The following RANBP2 variants were observed in gnomAD, a reference collection of about 807,000 sequenced individuals.
The protein encoded by RANBP2 is E3 SUMO-protein ligase RanBP2.
RANBP2 carries 57 observed loss-of-function variants against 303.6 expected under a neutral mutation model. The observed-to-expected ratio is 0.19, with a 90% CI of 0.15 to 0.23. RANBP2 has a LOEUF of 0.23. RANBP2 is among the 10% of genes least tolerant of loss of function. The probability of loss-of-function intolerance (pLI) is 1.00; values close to 1 mark genes in which losing one functional copy is unlikely to be tolerated. For missense variants in RANBP2, 3,138 were observed against 3,780.8 expected (o/e 0.83, Z 4.46); for synonymous variants, 1,167 against 1,301.5 (o/e 0.90, Z 2.23).
At chr2:108,910,049 G>A in the RANBP2 span, among the ~76,000 whole-genome samples, 6,757 of 152,312 alleles carry the variant, frequency 0.044, 223 homozygotes, top group Non-Finnish European at 0.07. Context: ...GCTGTTAGCC[G>A]TCATCACCAC....
At chr2:109,748,837 C>T in the RANBP2 span, among the ~76,000 whole-genome samples, 1 of 144,624 alleles carries the variant, frequency 6.9e-6, no homozygotes, top group Non-Finnish European at 1.5e-5. Context: ...TGTGCCACTG[C>T]ATTCTGGCCT....
the RANBP2 span, among the ~76,000 whole-genome samples, chr2:108,973,100 C>T: frequency 1.3e-5 from 2 of 152,174 alleles, no homozygotes; most frequent in African/African-American, 2.4e-5. Flanking sequence ...ACCTCTCATG[C>T]GTCAGCCTCC....
the RANBP2 span, among the ~76,000 whole-genome samples, chr2:109,045,659 G>A: frequency 3.3e-5 from 5 of 152,280 alleles, no homozygotes; most frequent in African/African-American, 1.2e-4. Context: ...TAAGGGTGGC[G>A]CTTGGCCTGG....
At chr2:109,013,001 C>T in the RANBP2 span, among the ~76,000 whole-genome samples, 4 of 152,206 alleles carry the variant, frequency 2.6e-5, no homozygotes, top group African/African-American at 9.7e-5. Context: ...TGCCAGGACT[C>T]TTTAAAGGGC....
At chr2:108,822,476 C>G in the RANBP2 span, among the ~76,000 whole-genome samples, 1 of 152,192 alleles carries the variant, frequency 6.6e-6, no homozygotes, top group East Asian at 1.9e-4. Flanking sequence ...ACAGAACACT[C>G]TACCCAACAA....
the RANBP2 span, chr2:109,615,371 G>A: frequency 4.3e-6 from 7 of 1,612,864 alleles, no homozygotes; most frequent in African/African-American, 9.3e-5. Context: ...CCGGCCTGCT[G>A]GTCAAGCGGG....
the RANBP2 span, chr2:109,130,004 G>A: frequency 1.5e-6 from 2 of 1,299,412 alleles, no homozygotes; most frequent in South Asian, 2.4e-5. Flanking sequence ...GGCGGGGGCG[G>A]CGCGGCAGGC....
chr2:109,553,193 CT>C, the RANBP2 span: 8 of 1,614,106 alleles, frequency 5.0e-6, no homozygotes, highest in Non-Finnish European at 8.5e-7. Context: ...GAACTCATGT[CT>C]TTTGGCTTCA....
chr2:109,711,053 T>C, the RANBP2 span, among the ~76,000 whole-genome samples: 1 of 151,922 alleles, frequency 6.6e-6, no homozygotes, highest in Non-Finnish European at 1.5e-5. Flanking sequence ...GTCTGTAAGC[T>C]GGTGACACAT....
the RANBP2 span, among the ~76,000 whole-genome samples, chr2:109,148,713 G>A: frequency 1.3e-5 from 2 of 152,234 alleles, no homozygotes; most frequent in African/African-American, 4.8e-5. Flanking sequence ...GAAGCAGAGC[G>A]TAATGTGTAG....
At chr2:109,185,391 A>G in the RANBP2 span, among the ~76,000 whole-genome samples, 1 of 152,218 alleles carries the variant, frequency 6.6e-6, no homozygotes, top group Non-Finnish European at 1.5e-5. Context: ...TGTGCTTTTT[A>G]TCACAGGGAA....
chr2:109,308,665 A>G, the RANBP2 span, among the ~76,000 whole-genome samples: 1 of 50,210 alleles, frequency 2.0e-5, no homozygotes, highest in Non-Finnish European at 3.0e-5. Context: ...TCCCAGCACC[A>G]TTTATTAAAT....
At chr2:108,832,075 G>A in the RANBP2 span, among the ~76,000 whole-genome samples, 1 of 151,462 alleles carries the variant, frequency 6.6e-6, no homozygotes, top group African/African-American at 2.4e-5. Flanking sequence ...TGTCGCCCAG[G>A]CTGGAGTGCA....
At chr2:109,028,365 G>A in the RANBP2 span, among the ~76,000 whole-genome samples, 1 of 152,202 alleles carries the variant, frequency 6.6e-6, no homozygotes, top group South Asian at 2.1e-4. Context: ...AGTACAAAGT[G>A]CATGCTGGGC....
chr2:108,955,334 C>T, the RANBP2 span, among the ~76,000 whole-genome samples: 1 of 152,046 alleles, frequency 6.6e-6, no homozygotes, highest in African/African-American at 2.4e-5. Flanking sequence ...TAATTATTTT[C>T]CAATTATGGA....
chr2:109,381,868 T>G, the RANBP2 span, among the ~76,000 whole-genome samples: 2 of 151,918 alleles, frequency 1.3e-5, no homozygotes, highest in Non-Finnish European at 2.9e-5. Context: ...CTGTGCATGT[T>G]TATAAGGGGA....
the RANBP2 span, among the ~76,000 whole-genome samples, chr2:108,820,573 A>T: frequency 1.3e-5 from 2 of 152,176 alleles, no homozygotes; most frequent in South Asian, 4.1e-4. Flanking sequence ...AAATACAAAG[A>T]GAATCTTTTA....
chr2:108,910,536 C>T, the RANBP2 span: 2 of 1,611,636 alleles, frequency 1.2e-6, no homozygotes, highest in Non-Finnish European at 8.5e-7. Flanking sequence ...ACGTTGTCTG[C>T]AGGGAAATGG....
chr2:108,854,022 ATTT>A, the RANBP2 span, among the ~76,000 whole-genome samples: 1 of 109,188 alleles, frequency 9.2e-6, no homozygotes, highest in Admixed American at 1.3e-4. Context: ...TATATAATAA[ATTT>A]ATATTATATA....
Sources: allele counts gnomAD v4.1 joint callset (sites outside exome capture counted in the v4.1 genomes callset), GRCh38; gene constraint gnomAD v4.1.1; transcripts MANE v1.5; gene names NCBI Gene and HGNC (gene_info 2026-07-23, HGNC 2026-07-21).